PCOLCE2: variants seen among roughly 807,000 people sequenced by gnomAD.
PCOLCE2 encodes the protein procollagen C-endopeptidase enhancer 2, also known as procollagen C-proteinase enhancer 2.
Under a neutral mutation model 47.0 loss-of-function variants are expected in PCOLCE2, and 42 were observed. That is an observed-to-expected ratio of 0.89 (90% CI 0.70 to 1.16). The LOEUF (loss-of-function observed/expected upper bound fraction) is 1.16. Ranked by LOEUF, PCOLCE2 falls within the 50% of genes most tolerant of loss-of-function variation. The pLI, the probability that PCOLCE2 is intolerant of heterozygous loss-of-function variation, is 0.00. For synonymous variants in PCOLCE2, 169 were observed against 191.7 expected (o/e 0.88, Z 0.98); for missense variants, 500 against 526.1 (o/e 0.95, Z 0.49).
intron 5 of PCOLCE2, among the ~76,000 whole-genome samples, chr3:142,837,614 G>C (rs1343863870): frequency 6.6e-6 from 1 of 152,154 alleles, no homozygotes; most frequent in Non-Finnish European, 1.5e-5. Flanking sequence ...TGACTTGAAG[G>C]CAAGCTGCAG....
At chr3:142,855,979 A>G (rs1236152829) in intron 2 of PCOLCE2, among the ~76,000 whole-genome samples, 1 of 152,170 alleles carries the variant, frequency 6.6e-6, no homozygotes, top group African/African-American at 2.4e-5. Flanking sequence ...ACAAATGGAT[A>G]GTGACATTCA....
In PCOLCE2 at chr3:142,842,639, T is replaced by C. The variant is rs1465296694; in HGVS notation, c.573+285A>G. Among the ~76,000 whole-genome samples the C allele has an allele frequency of 1.3e-5, 2 of 151,686 alleles. No homozygotes were observed. The highest frequency in any genetic ancestry group is 4.9e-5 in the African/African-American group (2 of 41,200). On this transcript the variant is annotated intron_variant, in intron 4 of 8. Coordinates refer to ENST00000295992, the MANE Select transcript of PCOLCE2 (RefSeq NM_013363.4). This position sits in a 1 kb window ranked among gnomAD's most constrained non-coding sequence, Gnocchi z 4.1. The stretch of plus-strand genomic sequence containing the variant: ...CTGTAATCTCAGCTACTCGTGAGGC[T>C]GAGGCAGGAGAATCGCTTGAACCCA...
At position 142,835,457 on chromosome 3, in the gene PCOLCE2, ACT is replaced by A. The variant is rs151215685; in HGVS notation, c.710+3311_710+3312del. 3.4e-3 allele frequency among the ~76,000 whole-genome samples: 517 copies of A among 151,836 alleles called. 2 individuals carry two copies. Among genetic ancestry groups the A allele is most frequent in the Non-Finnish European group, 6.0e-3 (405 of 67,928 alleles). On this transcript the variant is annotated intron_variant, in intron 5 of 8. Coordinates refer to ENST00000295992, the MANE Select transcript of PCOLCE2 (RefSeq NM_013363.4). ...CATTTTTATATCCTTTTATTTTCAA[ACT>A]CTGTTTTTATTTTGGGGGGATGTGT...
intron 2 of PCOLCE2, chr3:142,887,162 C>T: frequency 6.6e-6 from 1 of 152,194 alleles, no homozygotes; most frequent in East Asian, 1.9e-4. Flanking sequence ...TCCCACCCCC[C>T]CATTCTCTAT....
In PCOLCE2 at chr3:142,823,632, C is replaced by T; in HGVS notation, c.866-17G>A. 1 of 1,474,788 alleles carries T rather than the reference C, an allele frequency of 6.8e-7. No individual in the cohort carries two copies. The highest frequency in any genetic ancestry group is 9.4e-7 in the Non-Finnish European group (1 of 1,061,174). 91.4% of individuals were successfully genotyped at this position (1,474,788 alleles called of 1,614,324 possible). A position where few individuals can be genotyped will look rare whatever the true frequency, so the allele number is the denominator to read the frequency against. ...GTTTTAAACCTTAATTCAAAGAAGA[C>T]ATAAGTTTCACGAAAAATGAATTCA... On this transcript the variant is annotated splice_polypyrimidine_tract_variant and intron_variant, in intron 6 of 8. Transcript: ENST00000295992.
chr3:142,839,620 A>G (rs1937243300), intron 4 of PCOLCE2, among the ~76,000 whole-genome samples: 1 of 152,138 alleles, frequency 6.6e-6, no homozygotes, highest in Non-Finnish European at 1.5e-5. Flanking sequence ...GCCGAGAGTA[A>G]ATCCTAAATG....
At chr3:142,844,837 T>C (rs1377172125) in intron 3 of PCOLCE2, among the ~76,000 whole-genome samples, 1 of 152,214 alleles carries the variant, frequency 6.6e-6, no homozygotes, top group Non-Finnish European at 1.5e-5. Context: ...TCCCCTTCTG[T>C]AGGCTATTTG....
At chr3:142,861,095 T>C (rs954415778) in intron 2 of PCOLCE2, among the ~76,000 whole-genome samples, 3 of 152,242 alleles carry the variant, frequency 2.0e-5, no homozygotes, top group African/African-American at 7.2e-5. Context: ...TACTCAACAC[T>C]TGTCTGCCAG....
chr3:142,849,480 T>C (rs1258985208), intron 2 of PCOLCE2, among the ~76,000 whole-genome samples: 1 of 152,190 alleles, frequency 6.6e-6, no homozygotes, highest in Non-Finnish European at 1.5e-5. Context: ...TAATATTTTA[T>C]TCATCATAAT....
At chr3:142,839,203 G>A (rs896121163) in intron 4 of PCOLCE2, among the ~76,000 whole-genome samples, 3 of 152,130 alleles carry the variant, frequency 2.0e-5, no homozygotes, top group African/African-American at 7.2e-5. Flanking sequence ...GGAACATTAT[G>A]TAACACTAGC....
intron 6 of PCOLCE2, 119 bp downstream of exon 6, chr3:142,829,573 A>G: frequency 1.4e-6 from 1 of 711,672 alleles, no homozygotes; most frequent in Admixed American, 2.8e-5. Flanking sequence ...CTCTTACCAA[A>G]GCTTTCATCC....
chr3:142,834,047 T>A (rs1232141784), intron 5 of PCOLCE2, among the ~76,000 whole-genome samples: 2 of 152,210 alleles, frequency 1.3e-5, no homozygotes, highest in African/African-American at 4.8e-5. Context: ...CATTTTTCAA[T>A]GAGGCCATCC....
rs142301568 is a variant in PCOLCE2, at chr3:142,846,230, G to A, written c.448+1987C>T. 8.7e-3 allele frequency among the ~76,000 whole-genome samples: 1,322 copies of A among 151,984 alleles called. 15 individuals carry two copies. The highest frequency in any genetic ancestry group is 0.013 in the Non-Finnish European group (895 of 67,968). On this transcript the variant is annotated intron_variant, in intron 3 of 8. Coordinates refer to ENST00000295992, the MANE Select transcript of PCOLCE2 (RefSeq NM_013363.4). ...TTATTTATTTTTTAGATGGAATCTC[G>A]CTCTGTTGCCCAGGTTGGAGGGCAG...
At chr3:142,887,912 G>A (rs1933745889) in intron 1 of PCOLCE2, 135 bp from the exon 2 acceptor site, 6 of 570,310 alleles carry the variant, frequency 1.1e-5, no homozygotes, top group South Asian at 5.0e-5. Context: ...ACCATATAAG[G>A]GATCTGAAAA....
At chr3:142,830,121 G>A (rs953825679) in intron 5 of PCOLCE2, among the ~76,000 whole-genome samples, 8 of 152,110 alleles carry the variant, frequency 5.3e-5, no homozygotes, top group African/African-American at 1.9e-4. Flanking sequence ...GAAGTTCAGA[G>A]AGTTCAAGTG....
chr3:142,820,326 A>G (rs2108181817), intron 8 of PCOLCE2, among the ~76,000 whole-genome samples: 1 of 152,316 alleles, frequency 6.6e-6, no homozygotes, highest in Admixed American at 6.5e-5. Context: ...CAACTTTTTA[A>G]AAACCATGAA....
rs140804808 is a variant in PCOLCE2 at position 142,882,927 on chromosome 3, G to A, written c.192+4742C>T. ...TTTGGAAACCAATTTTAGGCAGGGC[G>A]CAGTAGCTCACGCCTGTAATCCCAG... On this transcript the variant is annotated intron_variant, in intron 2 of 8. Transcript: ENST00000295992. 5.9e-5 allele frequency among the ~76,000 whole-genome samples: 9 copies of A among 152,200 alleles called. No homozygotes were observed. The East Asian group carries it at 1.2e-3, about 20-fold the overall frequency.
chr3:142,820,817 C>T (rs1937004174), intron 8 of PCOLCE2, 61 bp downstream of exon 8: 1 of 1,464,956 alleles, frequency 6.8e-7, no homozygotes, highest in South Asian at 1.2e-5. Flanking sequence ...CTTCCCTAGA[C>T]CAACCATGGC....
At chr3:142,862,688 T>G (rs1933202331) in intron 2 of PCOLCE2, among the ~76,000 whole-genome samples, 1 of 152,118 alleles carries the variant, frequency 6.6e-6, no homozygotes, top group African/African-American at 2.4e-5. Flanking sequence ...AAATAATGTA[T>G]AAGAGTATAT....
Sources: gnomAD v4.1 joint callset for allele counts (sites outside exome capture counted in the v4.1 genomes callset) on GRCh38, gnomAD v4.1.1 for gene constraint, Gnocchi (gnomAD v3.1) non-coding constraint, MANE v1.5 for transcripts, NCBI Gene and HGNC (gene_info 2026-07-23, HGNC 2026-07-21) for gene names.